NMNAT2: variants seen among roughly 807,000 people sequenced by gnomAD.
NMNAT2 encodes the protein nicotinamide nucleotide adenylyltransferase 2, also known as nicotinamide/nicotinic acid mononucleotide adenylyltransferase 2.
A neutral mutation model predicts 41.6 loss-of-function variants in NMNAT2; 11 were observed. The observed-to-expected ratio is 0.26, with a 90% CI of 0.17 to 0.44. NMNAT2 has a LOEUF of 0.44. Among genes scored for constraint, NMNAT2 ranks in the 20% least tolerant of loss-of-function variants. The pLI is 1.00. For missense variants in NMNAT2, 288 were observed against 407.7 expected, an observed-to-expected ratio of 0.71 and a Z score of 2.53; for synonymous variants, 148 against 151.2, an observed-to-expected ratio of 0.98 and a Z score of 0.16.
At chr1:183,334,562 T>G (rs180947180) in intron 1 of NMNAT2, among the ~76,000 whole-genome samples, 1 of 151,476 alleles carries the variant, frequency 6.6e-6, no homozygotes, top group Non-Finnish European at 1.5e-5. Context: ...TCTCCCAGGC[T>G]GGAGTACAGT....
chr1:183,371,513 C>T (rs1372864623), intron 1 of NMNAT2, among the ~76,000 whole-genome samples: 1 of 152,152 alleles, frequency 6.6e-6, no homozygotes, highest in Non-Finnish European at 1.5e-5. Context: ...AATTAATGTA[C>T]CCCTCTGGTG....
intron 1 of NMNAT2, among the ~76,000 whole-genome samples, chr1:183,334,150 C>T (rs1268055759): frequency 1.3e-5 from 2 of 152,110 alleles, no homozygotes; most frequent in Non-Finnish European, 1.5e-5. Flanking sequence ...CTGAAACCAC[C>T]GTCTCTTTCG....
chr1:183,391,187 G>T (rs1307880034), intron 1 of NMNAT2, among the ~76,000 whole-genome samples: 2 of 152,048 alleles, frequency 1.3e-5, no homozygotes, highest in Non-Finnish European at 2.9e-5. Flanking sequence ...AAATCCCATT[G>T]CTTCCTCCCA....
At chr1:183,264,615 A>G (rs1432178184) in intron 8 of NMNAT2, among the ~76,000 whole-genome samples, 1 of 152,154 alleles carries the variant, frequency 6.6e-6, no homozygotes, top group African/African-American at 2.4e-5. Context: ...CTTGCCCCCA[A>G]AGCACGCCTT....
intron 8 of NMNAT2, among the ~76,000 whole-genome samples, chr1:183,273,340 C>T (rs1396636241): frequency 6.6e-6 from 1 of 152,228 alleles, no homozygotes; most frequent in Non-Finnish European, 1.5e-5. Context: ...GTTTTGGCCT[C>T]ATGGTCTCCA....
chr1:183,261,431 CCTT>C, intron 8 of NMNAT2, 128 bp from the exon 9 acceptor site: 1 of 777,780 alleles, frequency 1.3e-6, no homozygotes, highest in Non-Finnish European at 2.2e-6. Flanking sequence ...CCCAAACCGG[CCTT>C]CTTCTCAGCC....
intron 1 of NMNAT2, among the ~76,000 whole-genome samples, chr1:183,340,321 CTTT>C (rs34610627): frequency 1.8e-4 from 21 of 114,782 alleles, no homozygotes; most frequent in South Asian, 3.1e-4. Flanking sequence ...CCTGGGTTAG[CTTT>C]TTTTTTTTTT....
At chr1:183,306,290 G>A (rs1661991574) in intron 1 of NMNAT2, among the ~76,000 whole-genome samples, 1 of 152,094 alleles carries the variant, frequency 6.6e-6, no homozygotes, top group African/African-American at 2.4e-5. Context: ...CATGGTAAAA[G>A]GAATCCAGAT....
intron 10 of NMNAT2, among the ~76,000 whole-genome samples, chr1:183,259,757 G>A (rs1472419719): frequency 3.3e-5 from 5 of 152,006 alleles, no homozygotes; most frequent in Non-Finnish European, 4.4e-5. Context: ...CTGCCACCAC[G>A]CCCGGCTGAT....
chr1:183,293,943 ATGT>A (rs1661612891), intron 1 of NMNAT2, 150 bp from the exon 2 acceptor site: 1 of 637,368 alleles, frequency 1.6e-6, no homozygotes. Flanking sequence ...TTCAAAGCAA[ATGT>A]TGGTGATTCA....
chr1:183,385,206 A>T lies in NMNAT2; in HGVS notation c.85+32977T>A, dbSNP rs980758504. ...AACAGAGTGAGACTCTGTCTCTAAAAAAAACAACAAAATATGGAATAGATG... is the reference window on the plus strand; with the variant it reads ...AACAGAGTGAGACTCTGTCTCTAAATAAAACAACAAAATATGGAATAGATG... On this transcript the variant is annotated intron_variant, in intron 1 of 10. Coordinates refer to ENST00000287713, the MANE Select transcript of NMNAT2 (RefSeq NM_015039.4). Among the ~76,000 whole-genome samples, 9 of 152,224 alleles carry T rather than the reference A, an allele frequency of 5.9e-5. 1 individual carries two copies. The highest frequency in any genetic ancestry group is 2.2e-4 in the African/African-American group (9 of 41,550).
At chr1:183,378,779 C>T (rs970118910) in intron 1 of NMNAT2, among the ~76,000 whole-genome samples, 19 of 145,008 alleles carry the variant, frequency 1.3e-4, no homozygotes, top group African/African-American at 4.4e-4. Flanking sequence ...CGAGGTGGCT[C>T]ATGCTTGTAA....
At chr1:183,291,662 G>A (rs754252674) in intron 3 of NMNAT2, among the ~76,000 whole-genome samples, 7 of 152,176 alleles carry the variant, frequency 4.6e-5, no homozygotes, top group Non-Finnish European at 7.3e-5. Context: ...CCTGCCCAGT[G>A]ATTTCCTCAC....
chr1:183,338,225 C>T (rs1031790134), intron 1 of NMNAT2, among the ~76,000 whole-genome samples: 7 of 28,610 alleles, frequency 2.4e-4, no homozygotes, highest in African/African-American at 6.6e-4. Context: ...GATCATTAAC[C>T]GTGAGGCAGA....
chr1:183,364,511 A>G (rs987987135), intron 1 of NMNAT2, among the ~76,000 whole-genome samples: 2 of 152,258 alleles, frequency 1.3e-5, no homozygotes, highest in Non-Finnish European at 2.9e-5. Flanking sequence ...AAGAGAAGGC[A>G]TGAAATACAA....
chr1:183,277,840 A>C (rs1242636935), intron 8 of NMNAT2, among the ~76,000 whole-genome samples: 2 of 152,236 alleles, frequency 1.3e-5, no homozygotes, highest in African/African-American at 2.4e-5. Context: ...AAGTTAATCA[A>C]AAAGCACTAC....
At chr1:183,316,984 A>G (rs1448548531) in intron 1 of NMNAT2, among the ~76,000 whole-genome samples, 5 of 152,174 alleles carry the variant, frequency 3.3e-5, no homozygotes, top group Non-Finnish European at 7.3e-5. Flanking sequence ...GTCAGACACT[A>G]CTAATCACTA....
chr1:183,297,789 T>G lies in NMNAT2; in HGVS notation c.86-3996A>C, dbSNP rs187493396. ...ACTACAGGCCAATATCCTTTATGAT[T>G]GAATACTCAAAAATCCTTAACAAAT... On this transcript the variant is annotated intron_variant, in intron 1 of 10. Transcript: ENST00000287713. Among the ~76,000 whole-genome samples the G allele has an allele frequency of 8.7e-4, 133 of 152,336 alleles. 1 individual carries two copies. The highest frequency in any genetic ancestry group is 3.1e-3 in the African/African-American group (129 of 41,570).
intron 1 of NMNAT2, among the ~76,000 whole-genome samples, chr1:183,340,122 C>A (rs907798934): frequency 4.6e-5 from 7 of 152,220 alleles, no homozygotes; most frequent in African/African-American, 9.6e-5. Context: ...GAGAATCAGA[C>A]TTTCTGGCTC....
Sources: allele counts gnomAD v4.1 joint callset (sites outside exome capture counted in the v4.1 genomes callset), GRCh38; gene constraint gnomAD v4.1.1; transcripts MANE v1.5; gene names NCBI Gene and HGNC (gene_info 2026-07-23, HGNC 2026-07-21).